Variants in ABI3BP observed in about 807,000 individuals in gnomAD.
The protein encoded by ABI3BP is ABI family member 3 binding protein.
Under a neutral mutation model 268.6 loss-of-function variants are expected in ABI3BP, and 216 were observed. That is an observed-to-expected ratio of 0.80 (90% confidence interval 0.72 to 0.90). ABI3BP has a LOEUF of 0.90. Ranked by LOEUF, ABI3BP falls within the 40% of genes least tolerant of loss-of-function variation. The probability of loss-of-function intolerance (pLI) is 0.00; values close to 1 mark genes in which losing one functional copy is unlikely to be tolerated. For synonymous variants in ABI3BP, 730 were observed against 730.0 expected (o/e 1.00, Z 0.00); for missense variants, 2,090 against 2,182.4 (o/e 0.96, Z 0.84).
At chr3:100,835,018 A>G (rs2098553236) in intron 28 of ABI3BP, among the ~76,000 whole-genome samples, 1 of 152,186 alleles carries the variant, frequency 6.6e-6, no homozygotes, top group Non-Finnish European at 1.5e-5. Context: ...AGTTGCTGGT[A>G]TAGGATTTTC....
chr3:100,953,493 C>T (rs2075811524), intron 1 of ABI3BP, among the ~76,000 whole-genome samples: 1 of 152,052 alleles, frequency 6.6e-6, no homozygotes, highest in South Asian at 2.1e-4. Flanking sequence ...TACTGATCTC[C>T]AGGAGTTAAC....
At chr3:100,847,576 A>T in intron 19 of ABI3BP, 26 bp downstream of exon 19, 1 of 1,573,768 alleles carries the variant, frequency 6.4e-7, no homozygotes, top group Non-Finnish European at 8.7e-7. Flanking sequence ...GAAGCAACAC[A>T]TCTACTAAGG....
chr3:100,956,113 C>G (rs544753233), intron 1 of ABI3BP, among the ~76,000 whole-genome samples: 1 of 151,260 alleles, frequency 6.6e-6, no homozygotes, highest in Admixed American at 6.6e-5. Context: ...TGCTTGAACC[C>G]GGGAAGTGGA....
Position 100,860,103 on chromosome 3 carries a change from T to C in ABI3BP, c.1285+2208A>G, listed in dbSNP as rs2098982011. On this transcript the variant is annotated intron_variant, in intron 14 of 67. Transcript: ENST00000471714. ...ACAAAAACAAAAACAAAAACTTTAA[T>C]GTTCATATCGCCTGGGCATCTTGTT... Among the ~76,000 whole-genome samples the C allele has an allele frequency of 2.0e-5, 3 of 152,120 alleles. 1 individual carries two copies. In the South Asian group the frequency reaches 6.2e-4, roughly 32 times the overall value.
intron 1 of ABI3BP, among the ~76,000 whole-genome samples, chr3:100,962,613 T>A (rs2079549019): frequency 6.6e-6 from 1 of 152,210 alleles, no homozygotes; most frequent in Non-Finnish European, 1.5e-5. Flanking sequence ...AGGTCAGCAG[T>A]GACTTCACTA....
intron 1 of ABI3BP, among the ~76,000 whole-genome samples, chr3:100,980,726 G>A (rs2088929587): frequency 6.6e-6 from 1 of 152,172 alleles, no homozygotes; most frequent in African/African-American, 2.4e-5. Flanking sequence ...AGTATTAAAT[G>A]CCTGCAACTG....
At chr3:100,863,320 CTCT>C (rs2099017494) in intron 12 of ABI3BP, 1 of 157,254 alleles carries the variant, frequency 6.4e-6, no homozygotes, top group Non-Finnish European at 1.4e-5. Flanking sequence ...CTCCCCCAAC[CTCT>C]TTTTTTTTTT....
rs1383143257 is a variant in ABI3BP, at chr3:100,850,737, G to A, written c.1352-3C>T. ...ATCCAGAATACGATCACTTGTTGCT[G>A]TTGGAATAAATGTCAACATTTGTAA... On this transcript the variant is annotated splice_polypyrimidine_tract_variant and splice_region_variant and intron_variant, in intron 15 of 67. Coordinates refer to ENST00000471714, the MANE Select transcript of ABI3BP (RefSeq NM_001375547.2). The A allele has an allele frequency of 6.2e-7, 1 of 1,609,926 alleles. No individual in the cohort carries two copies. Among genetic ancestry groups the A allele is most frequent in the South Asian group, 1.1e-5 (1 of 90,860 alleles).
intron 2 of ABI3BP, among the ~76,000 whole-genome samples, chr3:100,918,228 GTT>G (rs936135672): frequency 6.6e-6 from 1 of 151,562 alleles, no homozygotes; most frequent in Non-Finnish European, 1.5e-5. Context: ...ACCCACAGCT[GTT>G]TCAGACTTTT....
chr3:100,978,022 C>T (rs1163816894), intron 1 of ABI3BP, among the ~76,000 whole-genome samples: 2 of 152,160 alleles, frequency 1.3e-5, no homozygotes, highest in Non-Finnish European at 2.9e-5. Context: ...GTTTTATCAG[C>T]TCTTAGACTT....
intron 20 of ABI3BP, among the ~76,000 whole-genome samples, chr3:100,843,114 T>C (rs1374405239): frequency 6.6e-6 from 1 of 152,026 alleles, no homozygotes; most frequent in Non-Finnish European, 1.5e-5. Context: ...AATGGAAAAA[T>C]ATAATAACGC....
At chr3:100,825,150 CAAG>C (rs1456271167) in intron 35 of ABI3BP, among the ~76,000 whole-genome samples, 2 of 152,076 alleles carry the variant, frequency 1.3e-5, no homozygotes, top group African/African-American at 2.4e-5. Context: ...GTTGCTCACT[CAAG>C]GAGTGAAGAT....
At chr3:100,938,164 A>T (rs1474690505) in intron 1 of ABI3BP, among the ~76,000 whole-genome samples, 1 of 151,996 alleles carries the variant, frequency 6.6e-6, no homozygotes. Context: ...GGATGGGAGG[A>T]GGGAGAGGAT....
chr3:100,789,169 A>G (rs1485619851), intron 56 of ABI3BP, among the ~76,000 whole-genome samples: 3 of 152,116 alleles, frequency 2.0e-5, no homozygotes, highest in African/African-American at 7.2e-5. Context: ...AGCTAACTCT[A>G]TGCAACCTCT....
chr3:100,785,112 C>G (rs938976695), intron 57 of ABI3BP, among the ~76,000 whole-genome samples: 11 of 152,094 alleles, frequency 7.2e-5, no homozygotes, highest in African/African-American at 2.4e-4. Flanking sequence ...ACAAACACTT[C>G]CTTTATTAAC....
intron 1 of ABI3BP, among the ~76,000 whole-genome samples, chr3:100,948,408 G>C (rs924307899): frequency 2.6e-5 from 4 of 152,170 alleles, no homozygotes; most frequent in Non-Finnish European, 5.9e-5. Flanking sequence ...TTTACAACTA[G>C]ATTATAGTTT....
intron 53 of ABI3BP, among the ~76,000 whole-genome samples, chr3:100,795,356 T>C (rs1286616353): frequency 6.6e-6 from 1 of 152,062 alleles, no homozygotes; most frequent in African/African-American, 2.4e-5. Flanking sequence ...AATATCATCA[T>C]TGTTGGTATC....
At chr3:100,908,060 G>A (rs1253785908) in intron 2 of ABI3BP, among the ~76,000 whole-genome samples, 1 of 151,164 alleles carries the variant, frequency 6.6e-6, no homozygotes, top group African/African-American at 2.4e-5. Flanking sequence ...AAGTTGCAGT[G>A]AGCCGAGATC....
intron 63 of ABI3BP, among the ~76,000 whole-genome samples, chr3:100,757,408 C>T (rs1012014518): frequency 6.6e-5 from 10 of 152,104 alleles, no homozygotes; most frequent in Admixed American, 3.3e-4. Context: ...AAATAGGTCC[C>T]GTTCAAGGGA....
Sources: allele counts gnomAD v4.1 joint callset (sites outside exome capture counted in the v4.1 genomes callset), GRCh38; gene constraint gnomAD v4.1.1; transcripts MANE v1.5; gene names NCBI Gene and HGNC (gene_info 2026-07-23, HGNC 2026-07-21).